BIRC6: variants seen among roughly 807,000 people sequenced by gnomAD.
BIRC6 encodes the protein baculoviral IAP repeat containing 6, also known as dual E2 ubiquitin-conjugating enzyme/E3 ubiquitin-protein ligase BIRC6.
A neutral mutation model predicts 503.3 loss-of-function variants in BIRC6; 98 were observed. The observed-to-expected ratio is 0.19, with a 90% CI of 0.17 to 0.23. The LOEUF (loss-of-function observed/expected upper bound fraction) is 0.23, where lower values mean the gene tolerates loss of function less well. BIRC6 is among the 10% of genes least tolerant of loss of function. The probability of loss-of-function intolerance (pLI) is 1.00; values close to 1 mark genes in which losing one functional copy is unlikely to be tolerated. For missense variants in BIRC6, 5,360 were observed against 5,806.0 expected (o/e 0.92, Z 2.50); for synonymous variants, 2,240 against 2,078.7 (o/e 1.08, Z -2.11).
intron 58 of BIRC6, 74 bp from the exon 59 acceptor site, chr2:32,525,390 A>G: frequency 6.5e-7 from 1 of 1,529,004 alleles, no homozygotes; most frequent in Non-Finnish European, 9.0e-7. Context: ...CCTTATTAAA[A>G]TATTTTAGGA....
intron 65 of BIRC6, among the ~76,000 whole-genome samples, chr2:32,551,576 C>T (rs187373298): frequency 1.3e-3 from 203 of 152,316 alleles, no homozygotes; most frequent in African/African-American, 4.5e-3. Context: ...GCCAACACAC[C>T]CTGCCTTAAG....
Position 32,618,172 on chromosome 2 carries a change from C to T in BIRC6, c.*268C>T, listed in dbSNP as rs191715743. The T allele has an allele frequency of 3.2e-4, 88 of 271,886 alleles. No individual in the cohort carries two copies. Among genetic ancestry groups the T allele is most frequent in the Non-Finnish European group, 5.2e-4 (75 of 144,926 alleles). The allele number at this position is 271,886 out of a possible 1,614,324, so 16.8% of individuals were successfully genotyped here. ...ATACAAAGAAATGGATAAATCACTGCTATATAAGGGAAACTACCTTAGGAA... is the reference window on the plus strand; with the variant it reads ...ATACAAAGAAATGGATAAATCACTGTTATATAAGGGAAACTACCTTAGGAA... On this transcript the variant is annotated 3_prime_UTR_variant, in exon 74 of 74. Transcript: ENST00000421745.
chr2:32,527,076 TG>T (rs2056332996), intron 59 of BIRC6: 2 of 152,236 alleles, frequency 1.3e-5, no homozygotes, highest in African/African-American at 4.8e-5. Flanking sequence ...ATAACTGTCC[TG>T]GGATGTGCTA....
At chr2:32,476,187 T>C in intron 33 of BIRC6, 26 bp from the exon 34 acceptor site, 1 of 1,511,106 alleles carries the variant, frequency 6.6e-7, no homozygotes, top group Non-Finnish European at 8.8e-7. Context: ...TTGTTAAAGA[T>C]TAAGTTGTTT....
intron 58 of BIRC6, among the ~76,000 whole-genome samples, 180 bp downstream of exon 58, chr2:32,525,199 G>GTT (rs1280397395): frequency 2.6e-5 from 4 of 151,378 alleles, no homozygotes; most frequent in African/African-American, 9.7e-5. Context: ...CACTAAATAG[G>GTT]TTGTCATCTG....
chr2:32,412,905 A>T (rs1329821036), intron 9 of BIRC6, among the ~76,000 whole-genome samples: 1 of 152,218 alleles, frequency 6.6e-6, no homozygotes, highest in Non-Finnish European at 1.5e-5. Context: ...ATATTAATTT[A>T]AAGTTATGTA....
intron 8 of BIRC6, among the ~76,000 whole-genome samples, chr2:32,402,918 C>T (rs2040757532): frequency 6.6e-6 from 1 of 152,002 alleles, no homozygotes; most frequent in South Asian, 2.1e-4. Flanking sequence ...ATAGTCACAC[C>T]CTCCTAGGTA....
At chr2:32,414,444 A>G (rs1225934274) in intron 9 of BIRC6, among the ~76,000 whole-genome samples, 1 of 152,096 alleles carries the variant, frequency 6.6e-6, no homozygotes, top group Non-Finnish European at 1.5e-5. Flanking sequence ...AGGTGGGTGG[A>G]TCACCTGAGG....
At chr2:32,388,180 A>C (rs1339300455) in intron 3 of BIRC6, among the ~76,000 whole-genome samples, 1 of 151,846 alleles carries the variant, frequency 6.6e-6, no homozygotes, top group East Asian at 1.9e-4. Flanking sequence ...AGGTCAGGAG[A>C]TCAGCCTGAC....
intron 12 of BIRC6, among the ~76,000 whole-genome samples, chr2:32,432,247 C>T (rs1373222549): frequency 6.6e-6 from 1 of 152,110 alleles, no homozygotes; most frequent in Admixed American, 6.5e-5. Context: ...GAAACGCTGT[C>T]TCTACTAAAA....
At chr2:32,376,147 C>T (rs1204305776) in intron 1 of BIRC6, among the ~76,000 whole-genome samples, 28 of 147,242 alleles carry the variant, frequency 1.9e-4, no homozygotes, top group Non-Finnish European at 3.0e-5. Context: ...GATCATGCCA[C>T]TGCACTCCAG....
intron 49 of BIRC6, 35 bp downstream of exon 49, chr2:32,503,271 A>T (rs1048455124): frequency 1.8e-5 from 27 of 1,538,358 alleles, no homozygotes; most frequent in Admixed American, 4.1e-5. Flanking sequence ...ACTTATGTGA[A>T]ATTATCTAGT....
chr2:32,511,703 G>A (rs2054473037), intron 53 of BIRC6, among the ~76,000 whole-genome samples: 1 of 151,640 alleles, frequency 6.6e-6, no homozygotes. Flanking sequence ...CTGTTTTTAT[G>A]TGTAGCATCC....
intron 70 of BIRC6, among the ~76,000 whole-genome samples, chr2:32,601,802 T>C (rs1346600494): frequency 1.3e-5 from 2 of 152,174 alleles, no homozygotes; most frequent in African/African-American, 4.8e-5. Context: ...AAGTATCTAA[T>C]GTTATCTTTA....
chr2:32,447,330 C>G (rs1335002316), intron 21 of BIRC6, among the ~76,000 whole-genome samples: 9 of 146,290 alleles, frequency 6.2e-5, no homozygotes, highest in East Asian at 2.1e-4. Flanking sequence ...TAGGGGCGGC[C>G]GGGCAGAAGC....
chr2:32,483,890 GAA>G (rs2050692456), intron 39 of BIRC6, among the ~76,000 whole-genome samples: 1 of 152,180 alleles, frequency 6.6e-6, no homozygotes, highest in East Asian at 1.9e-4. Flanking sequence ...ACCACTTGAT[GAA>G]TGAGTTGTCT....
intron 60 of BIRC6, among the ~76,000 whole-genome samples, chr2:32,530,966 A>G (rs1227950700): frequency 6.6e-6 from 1 of 152,254 alleles, no homozygotes; most frequent in Non-Finnish European, 1.5e-5. Flanking sequence ...ATTTGCTATG[A>G]GAACTTTGAG....
At chr2:32,488,254 G>A (rs907970932) in intron 41 of BIRC6, among the ~76,000 whole-genome samples, 4 of 152,036 alleles carry the variant, frequency 2.6e-5, no homozygotes, top group Non-Finnish European at 1.5e-5. Context: ...GAGGCGGGAG[G>A]ATGGCTTGAG....
chr2:32,484,437 C>G (rs534890947), intron 39 of BIRC6, among the ~76,000 whole-genome samples: 2 of 151,238 alleles, frequency 1.3e-5, no homozygotes, highest in Non-Finnish European at 1.5e-5. Context: ...ACCTGTAATC[C>G]TTGGGAACTG....
Sources: allele counts gnomAD v4.1 joint callset (sites outside exome capture counted in the v4.1 genomes callset), GRCh38; gene constraint gnomAD v4.1.1; transcripts MANE v1.5; gene names NCBI Gene and HGNC (gene_info 2026-07-23, HGNC 2026-07-21).